SH3TC2: variants seen among roughly 807,000 people sequenced by gnomAD.
The protein encoded by SH3TC2 is SH3 domain and tetratricopeptide repeats 2.
Under a neutral mutation model 124.5 loss-of-function variants are expected in SH3TC2, and 87 were observed. The observed-to-expected ratio is 0.70, with a 90% CI of 0.59 to 0.84. SH3TC2 has a LOEUF of 0.84. SH3TC2 is among the 40% of genes least tolerant of loss of function. The probability of loss-of-function intolerance (pLI) is 0.00; values close to 1 mark genes in which losing one functional copy is unlikely to be tolerated. For synonymous variants in SH3TC2, 634 were observed against 628.5 expected, an observed-to-expected ratio of 1.01 and a Z score of -0.13; for missense variants, 1,536 against 1,566.4, an observed-to-expected ratio of 0.98 and a Z score of 0.33.
intron 1 of SH3TC2, among the ~76,000 whole-genome samples, chr5:149,054,952 A>T (rs1754616971): frequency 6.6e-6 from 1 of 152,200 alleles, no homozygotes; most frequent in Admixed American, 6.5e-5. Flanking sequence ...ACAGCTTTTT[A>T]AGGATTTGTG....
chr5:149,007,191 G>T, intron 15 of SH3TC2, 114 bp from the exon 16 acceptor site: 1 of 949,026 alleles, frequency 1.1e-6, no homozygotes, highest in Non-Finnish European at 1.7e-6. Flanking sequence ...GGACTGTGCT[G>T]GGGCATAGGA....
chr5:149,005,756 C>A (rs1047240486), intron 16 of SH3TC2, among the ~76,000 whole-genome samples: 1 of 152,098 alleles, frequency 6.6e-6, no homozygotes, highest in Non-Finnish European at 1.5e-5. Flanking sequence ...CAAAGCCTGG[C>A]AAATAAGAAA....
chr5:149,004,907 C>T lies in SH3TC2; in HGVS notation c.3676-5G>A. The T allele has an allele frequency of 6.2e-7, 1 of 1,614,166 alleles. No individual in the cohort carries two copies. Among genetic ancestry groups the T allele is most frequent in the Non-Finnish European group, 8.5e-7 (1 of 1,180,020 alleles). The stretch of plus-strand genomic sequence containing the variant: ...CTCAGTGGCATCATGGGCATCCTAA[C>T]CCCGTGGTATGGGGGCAAAGAAGAG... On this transcript the variant is annotated splice_region_variant and splice_polypyrimidine_tract_variant and intron_variant, in intron 16 of 16. Transcript: ENST00000515425.
In SH3TC2 at chr5:148,998,238, CACA is replaced by C. The variant is rs773616689; in HGVS notation, c.*6470_*6472del. On this transcript the variant is annotated 3_prime_UTR_variant, in exon 17 of 17. Transcript: ENST00000515425. ...ATAAAATGCATTTCTTACTGTGGGC[CACA>C]ACAACAACAACATAACAACAAAAAA... 3.9e-5 allele frequency among the ~76,000 whole-genome samples: 6 copies of C among 152,042 alleles called. No individual in the cohort carries two copies. Among genetic ancestry groups the C allele is most frequent in the African/African-American group, 1.2e-4 (5 of 41,394 alleles).
At position 149,004,272 on chromosome 5, in the gene SH3TC2, T is replaced by C. The variant is rs1373880168; in HGVS notation, c.*439A>G. ...AAATGGAAAAAACTACAGGTTCCTC[T>C]GCTGGCAAGGGGAAGGGGTCTTTCC... On this transcript the variant is annotated 3_prime_UTR_variant, in exon 17 of 17. Coordinates refer to ENST00000515425, the MANE Select transcript of SH3TC2 (RefSeq NM_024577.4). The C allele has an allele frequency of 1.6e-5, 3 of 188,396 alleles. No homozygotes were observed. The allele number at this position is 188,396 out of a possible 1,614,324, so 11.7% of individuals were successfully genotyped here. A position where few individuals can be genotyped will look rare whatever the true frequency, so the allele number is the denominator to read the frequency against.
chr5:149,042,577 T>C, intron 5 of SH3TC2, 117 bp downstream of exon 5: 1 of 1,302,644 alleles, frequency 7.7e-7, no homozygotes, highest in South Asian at 1.2e-5. Flanking sequence ...GGTGGGTTCA[T>C]TTGTGAATAT....
At chr5:149,058,546 T>C (rs568263422) in intron 1 of SH3TC2, among the ~76,000 whole-genome samples, 1 of 152,274 alleles carries the variant, frequency 6.6e-6, no homozygotes, top group East Asian at 1.9e-4. Context: ...ATTTATCTTA[T>C]CATTATTGAG....
At chr5:149,058,755 A>G (rs964512116) in intron 1 of SH3TC2, among the ~76,000 whole-genome samples, 6 of 152,036 alleles carry the variant, frequency 3.9e-5, no homozygotes, top group Non-Finnish European at 5.9e-5. Context: ...ACTAAAATGG[A>G]TAAGTATGGT....
At chr5:149,023,583 C>CTGTTTTTTTTTT (rs1754012806) in intron 12 of SH3TC2, among the ~76,000 whole-genome samples, 1 of 107,260 alleles carries the variant, frequency 9.3e-6, no homozygotes, top group African/African-American at 3.8e-5. Context: ...TAGTGTAATC[C>CTGTTTTTTTTTT]TTTTTTTTTT....
chr5:149,050,095 C>T (rs1754531377), intron 2 of SH3TC2, among the ~76,000 whole-genome samples: 1 of 152,156 alleles, frequency 6.6e-6, no homozygotes, highest in African/African-American at 2.4e-5. Context: ...ATCTCCTTAC[C>T]ATGCACATGA....
intron 8 of SH3TC2, among the ~76,000 whole-genome samples, chr5:149,032,480 A>G (rs1435517898): frequency 3.3e-5 from 5 of 152,246 alleles, no homozygotes; most frequent in Admixed American, 1.3e-4. Context: ...TTAGTTCTAA[A>G]TAGAGAATGT....
intron 2 of SH3TC2, among the ~76,000 whole-genome samples, chr5:149,048,208 C>G (rs987561041): frequency 6.6e-6 from 1 of 152,178 alleles, no homozygotes; most frequent in Non-Finnish European, 1.5e-5. Context: ...GCTCTGGAAT[C>G]GCAGGAGTTG....
intron 2 of SH3TC2, among the ~76,000 whole-genome samples, chr5:149,048,885 G>A (rs532299334): frequency 6.6e-6 from 1 of 152,322 alleles, no homozygotes; most frequent in Admixed American, 6.5e-5. Flanking sequence ...ACTTTGCAAT[G>A]TGTCTTCTTT....
chr5:148,995,372 T>C lies in SH3TC2; in HGVS notation c.*9339A>G, dbSNP rs1753492721. The stretch of plus-strand genomic sequence containing the variant: ...GAGGATCATTTGGAGGATCAAATCC[T>C]ATACTGTGGGTAAATTACTTAGCAC... On this transcript the variant is annotated 3_prime_UTR_variant, in exon 17 of 17. Transcript: ENST00000515425. Among the ~76,000 whole-genome samples, 1 of 152,226 alleles carries C rather than the reference T, an allele frequency of 6.6e-6. No individual in the cohort carries two copies. Among genetic ancestry groups the C allele is most frequent in the South Asian group, 2.1e-4 (1 of 4,834 alleles).
In SH3TC2 at chr5:148,997,260, G is replaced by A. The variant is rs114534145; in HGVS notation, c.*7451C>T. Reference sequence around the variant, plus strand: ...TCCTCAGATGTCCATAGTCTTCTACGATTGGCTCTGGAGTCTCTTGCAAGT... The same window carrying A: ...TCCTCAGATGTCCATAGTCTTCTACAATTGGCTCTGGAGTCTCTTGCAAGT... On this transcript the variant is annotated 3_prime_UTR_variant, in exon 17 of 17. Transcript: ENST00000515425. Among the ~76,000 whole-genome samples, 1,228 of 152,280 alleles carry A rather than the reference G, an allele frequency of 8.1e-3. 13 individuals are homozygous for A. The highest frequency in any genetic ancestry group is 0.026 in the African/African-American group (1,080 of 41,546).
chr5:149,023,583 CTTT>C (rs5872108), intron 12 of SH3TC2, among the ~76,000 whole-genome samples: 79 of 107,234 alleles, frequency 7.4e-4, no homozygotes, highest in African/African-American at 7.9e-4. Context: ...TAGTGTAATC[CTTT>C]TTTTTTTTTT....
intron 4 of SH3TC2, 35 bp downstream of exon 4, chr5:149,044,498 G>A: frequency 6.5e-7 from 1 of 1,543,070 alleles, no homozygotes; most frequent in South Asian, 1.1e-5. Context: ...AATTGTGGAG[G>A]AGGTCATCCT....
rs762942756 is a variant in SH3TC2 at position 149,008,834 on chromosome 5, T to C, written c.3478+17A>G. On this transcript the variant is annotated intron_variant, in intron 15 of 16. Transcript: ENST00000515425. The stretch of plus-strand genomic sequence containing the variant: ...CACCCCTCTCATTCAACACACCCAA[T>C]AGTGAAGACCACCCACCTGTGACTG... 2 of 1,613,732 alleles carry C rather than the reference T, an allele frequency of 1.2e-6. No homozygotes were observed. Among genetic ancestry groups the C allele is most frequent in the South Asian group, 1.1e-5 (1 of 91,060 alleles).
At chr5:149,061,925 G>A (rs1754757688) in intron 1 of SH3TC2, among the ~76,000 whole-genome samples, 1 of 152,118 alleles carries the variant, frequency 6.6e-6, no homozygotes, top group Admixed American at 6.5e-5. Flanking sequence ...ACTCCCTGCT[G>A]TAGGTGCCAA....
Sources: gnomAD v4.1 joint callset for allele counts (sites outside exome capture counted in the v4.1 genomes callset) on GRCh38, gnomAD v4.1.1 for gene constraint, MANE v1.5 for transcripts, NCBI Gene and HGNC (gene_info 2026-07-23, HGNC 2026-07-21) for gene names.